GRIA2: variants seen among roughly 807,000 people sequenced by gnomAD.
GRIA2 encodes glutamate receptor 2.
In GRIA2, 14 loss-of-function variants were observed where a neutral mutation model predicts 97.3. The observed-to-expected ratio is 0.14, with a 90% confidence interval of 0.10 to 0.23. GRIA2 has a LOEUF of 0.23. Ranked by LOEUF, GRIA2 falls within the 10% of genes least tolerant of loss-of-function variation. The probability of loss-of-function intolerance (pLI) is 1.00; values close to 1 mark genes in which losing one functional copy is unlikely to be tolerated. For missense variants in GRIA2, 558 were observed against 1,069.8 expected (o/e 0.52, Z 6.67); for synonymous variants, 412 against 387.8 (o/e 1.06, Z -0.73).
At chr4:157,316,676 A>G (rs993245213) in intron 4 of GRIA2, among the ~76,000 whole-genome samples, 10 of 152,162 alleles carry the variant, frequency 6.6e-5, no homozygotes, top group African/African-American at 2.4e-4. Context: ...ACAGAATAGG[A>G]AAGTTGAGCC....
At chr4:157,352,718 TAAA>T (rs571562254) in intron 12 of GRIA2, among the ~76,000 whole-genome samples, 2 of 92,666 alleles carry the variant, frequency 2.2e-5, no homozygotes, top group African/African-American at 9.0e-5. Context: ...AGACTCCATC[TAAA>T]AAAAAAAAAA....
chr4:157,331,346 G>A (rs952214522), intron 6 of GRIA2, among the ~76,000 whole-genome samples: 2 of 151,848 alleles, frequency 1.3e-5, no homozygotes, highest in African/African-American at 2.4e-5. Flanking sequence ...CGGCTTTATA[G>A]CTTTCCCTTA....
intron 2 of GRIA2, among the ~76,000 whole-genome samples, chr4:157,242,406 A>G (rs1730549843): frequency 6.6e-6 from 1 of 152,058 alleles, no homozygotes; most frequent in Non-Finnish European, 1.5e-5. Flanking sequence ...TGCCTCGGAA[A>G]ATAAAAGCAC....
chr4:157,251,208 A>G (rs1731006636), intron 2 of GRIA2, among the ~76,000 whole-genome samples: 1 of 152,094 alleles, frequency 6.6e-6, no homozygotes, highest in African/African-American at 2.4e-5. Context: ...GGACCAGGAG[A>G]TGGAGAATCA....
intron 2 of GRIA2, among the ~76,000 whole-genome samples, chr4:157,273,259 T>C (rs190325434): frequency 4.9e-4 from 75 of 152,204 alleles, no homozygotes; most frequent in African/African-American, 1.7e-3. Flanking sequence ...CTTGGGGTCC[T>C]GGAGTCAACT....
intron 12 of GRIA2, among the ~76,000 whole-genome samples, chr4:157,352,956 G>A (rs192390393): frequency 3.9e-4 from 59 of 151,916 alleles, no homozygotes; most frequent in Non-Finnish European, 3.2e-4. Flanking sequence ...CTACCGGAGA[G>A]GCTGAGGCAG....
chr4:157,321,174 T>C (rs1451165794), intron 5 of GRIA2, among the ~76,000 whole-genome samples: 1 of 152,136 alleles, frequency 6.6e-6, no homozygotes, highest in Non-Finnish European at 1.5e-5. Flanking sequence ...GGAGAACATT[T>C]ATGTAGGTAC....
intron 2 of GRIA2, among the ~76,000 whole-genome samples, chr4:157,246,262 T>G (rs1370439361): frequency 6.6e-6 from 1 of 152,136 alleles, no homozygotes; most frequent in African/African-American, 2.4e-5. Flanking sequence ...GACAGGCTAG[T>G]TAATTTCTCT....
At chr4:157,236,713 C>G (rs975865026) in intron 2 of GRIA2, among the ~76,000 whole-genome samples, 5 of 152,064 alleles carry the variant, frequency 3.3e-5, no homozygotes, top group African/African-American at 1.2e-4. Flanking sequence ...TTTTTTAAAG[C>G]TTTGCTCTTG....
intron 2 of GRIA2, among the ~76,000 whole-genome samples, chr4:157,250,342 A>G (rs1252075104): frequency 1.3e-5 from 2 of 152,144 alleles, no homozygotes; most frequent in South Asian, 2.1e-4. Context: ...ATGCCATAGG[A>G]AAGAGAGTAT....
intron 13 of GRIA2, 112 bp downstream of exon 13, chr4:157,360,255 T>A: frequency 9.2e-7 from 1 of 1,088,674 alleles, no homozygotes; most frequent in Admixed American, 2.6e-5. Context: ...TAACTCACCA[T>A]CACAAAAATG....
chr4:157,358,136 A>G (rs1736473477), intron 12 of GRIA2, among the ~76,000 whole-genome samples: 1 of 152,180 alleles, frequency 6.6e-6, no homozygotes, highest in South Asian at 2.1e-4. Flanking sequence ...AGGTTTAGCC[A>G]GATTGCTTCC....
chr4:157,355,626 ATTTATTTATATATATTTATTTATATATT>A (rs1232610636), intron 12 of GRIA2, among the ~76,000 whole-genome samples: 7 of 135,682 alleles, frequency 5.2e-5, no homozygotes, highest in Non-Finnish European at 1.1e-4. Context: ...ATTTATATAT[ATTTATTTATATATATTTATTTATATATT>A]TATTTATATT....
intron 2 of GRIA2, among the ~76,000 whole-genome samples, chr4:157,255,197 TA>T (rs1324630361): frequency 6.6e-6 from 1 of 152,012 alleles, no homozygotes; most frequent in African/African-American, 2.4e-5. Context: ...TTGTTTCACT[TA>T]AAATAATGGC....
intron 6 of GRIA2, among the ~76,000 whole-genome samples, chr4:157,328,880 T>C (rs1330689691): frequency 1.3e-5 from 2 of 152,030 alleles, no homozygotes; most frequent in Non-Finnish European, 2.9e-5. Context: ...ATAAAAGATG[T>C]TAATTTAGGT....
chr4:157,362,697 G>T, intron 14 of GRIA2, 102 bp from the exon 15 acceptor site: 1 of 952,144 alleles, frequency 1.1e-6, no homozygotes, highest in South Asian at 1.6e-5. Context: ...AATGCATTCT[G>T]TGTGACTAGG....
chr4:157,233,419 T>C (rs1730110645), intron 2 of GRIA2, among the ~76,000 whole-genome samples: 1 of 152,184 alleles, frequency 6.6e-6, no homozygotes. Context: ...GAGCACATTA[T>C]GGATTCCTAA....
Position 157,336,606 on chromosome 4 carries a change from G to A in GRIA2, c.1703G>A (p.Ser568Asn). 2 of 1,613,426 alleles carry A rather than the reference G, an allele frequency of 1.2e-6. No individual in the cohort carries two copies. Among genetic ancestry groups the A allele is most frequent in the Non-Finnish European group, 1.7e-6 (2 of 1,179,582 alleles). ...GTTTTATTCCTGGTCAGCAGATTTA[G>A]CCCCTACGAGTGGCACACTGAGGAG... ...SVVLFLVSRF[S>N]PYEWHTEEFE... The change falls in exon 11 of 16, where the codon AGC (serine) becomes AAC (asparagine). Residue 568 changes from serine (S) to asparagine (N), a missense_variant. Physicochemically the swap from Ser to Asn is conservative, Grantham distance 46. Coordinates refer to ENST00000264426, the MANE Select transcript of GRIA2 (RefSeq NM_001083619.3).
At chr4:157,222,420 C>T (rs1030056747) in intron 2 of GRIA2, among the ~76,000 whole-genome samples, 3 of 152,196 alleles carry the variant, frequency 2.0e-5, no homozygotes, top group Admixed American at 6.5e-5. Context: ...ATAACGCCCA[C>T]CCGAGGGGCG....
Sources: gnomAD v4.1 joint callset for allele counts (sites outside exome capture counted in the v4.1 genomes callset) on GRCh38, gnomAD v4.1.1 for gene constraint, MANE v1.5 for transcripts, NCBI Gene and HGNC (gene_info 2026-07-23, HGNC 2026-07-21) for gene names.